The following B4GALT1 variants were observed in gnomAD, a reference collection of about 807,000 sequenced individuals.
B4GALT1 encodes the protein N-acetyllactosamine synthase.
B4GALT1 carries 16 observed loss-of-function variants against 34.9 expected under a neutral mutation model. The ratio of observed to expected loss-of-function variants is 0.46; its 90% CI spans 0.31 to 0.70. B4GALT1 has a LOEUF of 0.70. B4GALT1 is among the 30% of genes least tolerant of loss of function. B4GALT1 has a pLI of 0.05. For missense variants in B4GALT1, 445 were observed against 530.5 expected (o/e 0.84, Z 1.58); for synonymous variants, 221 against 218.1 (o/e 1.01, Z -0.12).
At chr9:33,121,986 C>A (rs1042046419) in intron 2 of B4GALT1, among the ~76,000 whole-genome samples, 15 of 152,168 alleles carry the variant, frequency 9.9e-5, no homozygotes, top group African/African-American at 3.4e-4. Flanking sequence ...TCACTCTCAG[C>A]AGTTCACAAA....
At chr9:33,167,447 G>A, upstream of B4GALT1, 1 of 180,292 alleles carries the variant, frequency 5.5e-6, no homozygotes. Flanking sequence ...AGGCGGGGCA[G>A]CCCGTGGCGG....
intron 2 of B4GALT1, among the ~76,000 whole-genome samples, chr9:33,131,992 G>C (rs1192504142): frequency 6.6e-6 from 1 of 152,070 alleles, no homozygotes; most frequent in Non-Finnish European, 1.5e-5. Context: ...TGATCAATTA[G>C]GGTGAGATTG....
At chr9:33,145,766 G>A (rs962140708) in intron 1 of B4GALT1, among the ~76,000 whole-genome samples, 28 of 152,332 alleles carry the variant, frequency 1.8e-4, no homozygotes, top group African/African-American at 6.3e-4. Context: ...GCAAATCACA[G>A]CACACGTGCC....
downstream of B4GALT1, among the ~76,000 whole-genome samples, chr9:33,105,880 G>GTTTTTTTTTTTTT (rs35330697): frequency 4.3e-4 from 37 of 85,748 alleles, 1 homozygote; most frequent in Admixed American, 1.2e-3. Context: ...GGACTCGTGG[G>GTTTTTTTTTTTTT]TTTTTTTTTT....
chr9:33,142,726 C>G (rs534091702), intron 1 of B4GALT1, among the ~76,000 whole-genome samples: 4 of 152,258 alleles, frequency 2.6e-5, no homozygotes, highest in African/African-American at 9.6e-5. Flanking sequence ...CTCAGCCTCC[C>G]GTGGGACTGC....
At chr9:33,173,416 C>CAAAAAAAAAAA in the B4GALT1 span, among the ~76,000 whole-genome samples, 1 of 101,224 alleles carries the variant, frequency 9.9e-6, no homozygotes. Flanking sequence ...AAAAAAAAAG[C>CAAAAAAAAAAA]AAAAAAAAAA....
chr9:33,126,665 A>AGTTAACCATTGTTAACAT (rs1405751053), intron 2 of B4GALT1, among the ~76,000 whole-genome samples: 1 of 31,100 alleles, frequency 3.2e-5, no homozygotes, highest in African/African-American at 7.0e-5. Context: ...CCATAGCAAT[A>AGTTAACCATTGTTAACAT]TGGTAGCTCA....
intron 3 of B4GALT1, among the ~76,000 whole-genome samples, chr9:33,116,811 C>T (rs1839946550): frequency 6.6e-6 from 1 of 152,070 alleles, no homozygotes; most frequent in Admixed American, 6.5e-5. Flanking sequence ...GCAAGAGCCA[C>T]CATGTCCAGC....
the B4GALT1 span, among the ~76,000 whole-genome samples, chr9:33,174,990 A>AAAAAATATATATATATAT: frequency 2.1e-4 from 1 of 4,832 alleles, no homozygotes; most frequent in Non-Finnish European, 3.8e-4. Flanking sequence ...AAAAAAAAAA[A>AAAAAATATATATATATAT]ATATATATAT....
At chr9:33,143,364 G>C (rs1160412688) in intron 1 of B4GALT1, among the ~76,000 whole-genome samples, 1 of 152,162 alleles carries the variant, frequency 6.6e-6, no homozygotes, top group Admixed American at 6.5e-5. Flanking sequence ...CGTCAGCAAT[G>C]AACCACTGAC....
At chr9:33,106,807 C>T (rs1839799961), downstream of B4GALT1, among the ~76,000 whole-genome samples, 1 of 152,170 alleles carries the variant, frequency 6.6e-6, no homozygotes, top group South Asian at 2.1e-4. Flanking sequence ...AACAGCAGGG[C>T]ACTTCCTACA....
the B4GALT1 span, among the ~76,000 whole-genome samples, chr9:33,173,354 G>A: frequency 3.3e-5 from 5 of 151,080 alleles, no homozygotes; most frequent in South Asian, 2.1e-4. Context: ...GCAGTGAGCC[G>A]TGATCGGGCC....
chr9:33,108,690 G>C (rs1048585604), downstream of B4GALT1: 1 of 152,186 alleles, frequency 6.6e-6, no homozygotes. Flanking sequence ...GTGTGGATAT[G>C]TGTCTCAGTG....
rs537099623 is a variant in B4GALT1 at position 33,138,520 on chromosome 9, A to G, written c.413-3096T>C. Among the ~76,000 whole-genome samples, 108 of 152,264 alleles carry G rather than the reference A, an allele frequency of 7.1e-4. 3 individuals are homozygous for G. In the Middle Eastern group the frequency reaches 0.037, roughly 53 times the overall value. ...AAGCAGACAGGAGACGTGAGTGTCC[A>G]GCATAGGAGAGGTGGAAAGAAGCCT... On this transcript the variant is annotated intron_variant, in intron 1 of 5. Coordinates refer to ENST00000379731, the MANE Select transcript of B4GALT1 (RefSeq NM_001497.4).
chr9:33,167,164 C>A lies in B4GALT1; in HGVS notation c.6G>T (p.Arg2Ser), dbSNP rs748084665. 3.1e-6 allele frequency: 5 copies of A among 1,597,580 alleles called. No homozygotes were observed. The highest frequency in any genetic ancestry group is 4.3e-6 in the Non-Finnish European group (5 of 1,174,038). The stretch of plus-strand genomic sequence containing the variant: ...TGCCGCTCAGGAGCGGCTCCCGAAG[C>A]CTCATCTTCCCGCCGCCGCTTTAAG... MRLREPLLSGSA... is the reference protein window; with the variant it reads MSLREPLLSGSA... The change falls in exon 1 of 6, where the codon AGG becomes AGT. Residue 2 changes from arginine to serine, a missense_variant. This residue lies in a region of B4GALT1 where 349 missense variants were observed against 395.5 expected (regional missense o/e 0.88). Transcript: ENST00000379731.
chr9:33,175,359 A>G, the B4GALT1 span, among the ~76,000 whole-genome samples: 1 of 152,098 alleles, frequency 6.6e-6, no homozygotes, highest in Admixed American at 6.6e-5. Flanking sequence ...ATGACCAGTG[A>G]AACTTGGATG....
downstream of B4GALT1, chr9:33,108,649 T>A (rs1839821020): frequency 6.6e-6 from 1 of 152,064 alleles, no homozygotes; most frequent in Non-Finnish European, 1.5e-5. Context: ...GATGCGTGCG[T>A]CTGGGTGGAT....
chr9:33,168,066 A>G (rs1383593125), upstream of B4GALT1, among the ~76,000 whole-genome samples: 1 of 152,064 alleles, frequency 6.6e-6, no homozygotes, highest in Non-Finnish European at 1.5e-5. Flanking sequence ...GAAGCCTCTA[A>G]CTCCCAGGCC....
At chr9:33,178,507 G>A in the B4GALT1 span, among the ~76,000 whole-genome samples, 2 of 152,172 alleles carry the variant, frequency 1.3e-5, no homozygotes, top group African/African-American at 4.8e-5. Flanking sequence ...TCTATATTTT[G>A]TTCTGAGTGC....
Sources: gnomAD v4.1 joint callset for allele counts (sites outside exome capture counted in the v4.1 genomes callset) on GRCh38, gnomAD v4.1.1 for gene constraint, gnomAD v4.1.1 regional missense constraint, MANE v1.5 for transcripts, NCBI Gene and HGNC (gene_info 2026-07-23, HGNC 2026-07-21) for gene names.